The following BCAS3 variants were observed in gnomAD, a reference collection of about 807,000 sequenced individuals.
BCAS3 encodes BCAS3 microtubule associated cell migration factor, also known as BCAS4/BCAS3 fusion.
BCAS3 carries 53 observed loss-of-function variants against 116.1 expected under a neutral mutation model. The observed-to-expected ratio is 0.46, with a 90% CI of 0.37 to 0.57. The LOEUF is 0.57. Ranked by LOEUF, BCAS3 falls within the 20% of genes least tolerant of loss-of-function variation. The pLI, the probability that BCAS3 is intolerant of heterozygous loss-of-function variation, is 0.00. For synonymous variants in BCAS3, 391 were observed against 408.2 expected (o/e 0.96, Z 0.51); for missense variants, 917 against 1,165.4 (o/e 0.79, Z 3.10).
chr17:61,057,487 C>T (rs771493616), intron 19 of BCAS3, among the ~76,000 whole-genome samples: 4 of 152,166 alleles, frequency 2.6e-5, no homozygotes, highest in Non-Finnish European at 4.4e-5. Context: ...TTGCCTTCTA[C>T]GCCTCAGGTT....
intron 6 of BCAS3, among the ~76,000 whole-genome samples, chr17:60,802,465 C>T (rs1361746730): frequency 6.7e-6 from 1 of 149,920 alleles, no homozygotes; most frequent in Non-Finnish European, 1.5e-5. Flanking sequence ...TATTTTGTTC[C>T]ATGTCTGCAG....
At position 61,356,718 on chromosome 17, in the gene BCAS3, T is replaced by C. The variant is rs1168853564; in HGVS notation, c.2426-11609T>C. 6.6e-6 allele frequency: 1 copy of C among 152,250 alleles called. No individual in the cohort carries two copies. Among genetic ancestry groups the C allele is most frequent in the Non-Finnish European group, 1.5e-5 (1 of 68,036 alleles). 9.4% of individuals were successfully genotyped at this position (152,250 alleles called of 1,614,324 possible). On this transcript the variant is annotated intron_variant, in intron 22 of 23. Coordinates refer to ENST00000407086, the MANE Select transcript of BCAS3 (RefSeq NM_017679.5). The surrounding 1 kb of genome is among the most constrained non-coding windows in gnomAD (Gnocchi z 5.4). Reference sequence around the variant, plus strand: ...TTTTAAAATCAACTCCTTCCAGAGTTGTTCTTCTAGCCCTTTCTGATCTGA... The same window carrying C: ...TTTTAAAATCAACTCCTTCCAGAGTCGTTCTTCTAGCCCTTTCTGATCTGA...
Position 61,391,937 on chromosome 17 carries a change from C to G in BCAS3, c.2594-40C>G. ...CAGATGGTGCCCCCACTCCCCAGACCCAACTCTAACCAGGCCTGGCCCTCT... is the reference window on the plus strand; with the variant it reads ...CAGATGGTGCCCCCACTCCCCAGACGCAACTCTAACCAGGCCTGGCCCTCT... On this transcript the variant is annotated intron_variant, in intron 23 of 23. Coordinates refer to ENST00000407086, the MANE Select transcript of BCAS3 (RefSeq NM_017679.5). This position sits in a 1 kb window ranked among gnomAD's most constrained non-coding sequence, Gnocchi z 7.7. 1 of 1,602,970 alleles carries G rather than the reference C, an allele frequency of 6.2e-7. No homozygotes were observed. Among genetic ancestry groups the G allele is most frequent in the Non-Finnish European group, 8.5e-7 (1 of 1,174,918 alleles).
intron 7 of BCAS3, among the ~76,000 whole-genome samples, chr17:60,834,783 A>G (rs1021933058): frequency 1.3e-5 from 2 of 151,906 alleles, no homozygotes; most frequent in African/African-American, 2.4e-5. Flanking sequence ...TTTTTTGTTT[A>G]TCATAACTGA....
rs552076201 is a variant in BCAS3, at chr17:61,105,582, G to T, written c.2425+21018G>T. On this transcript the variant is annotated intron_variant, in intron 22 of 23. Transcript: ENST00000407086. This position sits in a 1 kb window ranked among gnomAD's most constrained non-coding sequence, Gnocchi z 4.3. ...TGGGGTTACAGGCATGTGCCACCACGCCCAGCTAATTTTGTATTTTTTTTA... is the reference window on the plus strand; with the variant it reads ...TGGGGTTACAGGCATGTGCCACCACTCCCAGCTAATTTTGTATTTTTTTTA... 6.6e-6 allele frequency among the ~76,000 whole-genome samples: 1 copy of T among 152,068 alleles called. No individual in the cohort carries two copies. Among genetic ancestry groups the T allele is most frequent in the African/African-American group, 2.4e-5 (1 of 41,412 alleles).
chr17:60,767,534 A>G (rs966822276), intron 6 of BCAS3, among the ~76,000 whole-genome samples: 1 of 151,730 alleles, frequency 6.6e-6, no homozygotes, highest in Non-Finnish European at 1.5e-5. Context: ...TTTATTAGAA[A>G]TGGGGTTTCA....
At position 61,364,876 on chromosome 17, in the gene BCAS3, C is replaced by T. The variant is rs2058643948; in HGVS notation, c.2426-3451C>T. ...CTTCTCAGAGCTTCCAGTTTCACCA[C>T]CATAAATGGGGGATAGTACCTCTAC... On this transcript the variant is annotated intron_variant, in intron 22 of 23. Coordinates refer to ENST00000407086, the MANE Select transcript of BCAS3 (RefSeq NM_017679.5). This position sits in a 1 kb window ranked among gnomAD's most constrained non-coding sequence, Gnocchi z 5.4. Among the ~76,000 whole-genome samples the T allele has an allele frequency of 6.6e-6, 1 of 152,170 alleles. No individual in the cohort carries two copies.
chr17:61,111,692 T>C (rs971815021), intron 22 of BCAS3, among the ~76,000 whole-genome samples: 7 of 138,312 alleles, frequency 5.1e-5, no homozygotes, highest in Non-Finnish European at 1.1e-4. Context: ...ACTTCCCCAA[T>C]CTAGCAAGGC....
intron 6 of BCAS3, among the ~76,000 whole-genome samples, chr17:60,758,441 G>C (rs572641740): frequency 6.6e-6 from 1 of 152,012 alleles, no homozygotes; most frequent in South Asian, 2.1e-4. Flanking sequence ...TTTGAGTTTG[G>C]TTTATTCTTG....
At chr17:60,834,717 GT>G (rs563226477) in intron 7 of BCAS3, among the ~76,000 whole-genome samples, 18 of 151,882 alleles carry the variant, frequency 1.2e-4, no homozygotes, top group African/African-American at 4.3e-4. Context: ...AGTACCCCAT[GT>G]TTTTTTGTTA....
chr17:60,758,708 A>G (rs1598498109), intron 6 of BCAS3, among the ~76,000 whole-genome samples: 1 of 152,170 alleles, frequency 6.6e-6, no homozygotes, highest in African/African-American at 2.4e-5. Context: ...GAGGTGTGTC[A>G]TTAGGTTGCT....
chr17:61,206,869 C>T (rs1337378170), intron 22 of BCAS3, among the ~76,000 whole-genome samples: 1 of 141,848 alleles, frequency 7.0e-6, no homozygotes, highest in East Asian at 2.1e-4. Context: ...CCAGTTTTTA[C>T]TTTGATCCAA....
chr17:60,825,205 G>A (rs893002162), intron 7 of BCAS3, among the ~76,000 whole-genome samples: 1 of 150,884 alleles, frequency 6.6e-6, no homozygotes, highest in Non-Finnish European at 1.5e-5. Flanking sequence ...GCACTTATGT[G>A]CACCTTGCTT....
chr17:61,249,260 C>T lies in BCAS3; in HGVS notation c.2426-119067C>T, dbSNP rs1027046823. 6.6e-6 allele frequency among the ~76,000 whole-genome samples: 1 copy of T among 152,174 alleles called. No homozygotes were observed. ...CGAGATCACACCACTGCACTCCAGC[C>T]TGGGCAACAAGAGTGAAACTCCATC... On this transcript the variant is annotated intron_variant, in intron 22 of 23. Transcript: ENST00000407086. The surrounding 1 kb of genome is among the most constrained non-coding windows in gnomAD (Gnocchi z 6.2).
intron 5 of BCAS3, among the ~76,000 whole-genome samples, chr17:60,727,780 A>T (rs2040045401): frequency 6.6e-6 from 1 of 151,696 alleles, no homozygotes; most frequent in African/African-American, 2.4e-5. Context: ...AGCTTACAGT[A>T]GGATTCATTT....
intron 22 of BCAS3, among the ~76,000 whole-genome samples, chr17:61,176,525 C>CTGTTTATT (rs1282147594): frequency 6.9e-6 from 1 of 145,530 alleles, no homozygotes; most frequent in African/African-American, 2.5e-5. Flanking sequence ...TGTGTAATGT[C>CTGTTTATT]TATTTATTTA....
chr17:61,049,942 C>T (rs748156989), intron 19 of BCAS3, among the ~76,000 whole-genome samples: 2 of 151,808 alleles, frequency 1.3e-5, no homozygotes, highest in African/African-American at 2.4e-5. Context: ...CCATGTTGGT[C>T]AGGATGGCCT....
intron 22 of BCAS3, among the ~76,000 whole-genome samples, chr17:61,142,492 C>A (rs2076978132): frequency 6.6e-6 from 1 of 152,018 alleles, no homozygotes; most frequent in Admixed American, 6.6e-5. Context: ...GATAAATGTT[C>A]TCTGTTTAAC....
chr17:61,083,783 A>AC lies in BCAS3; in HGVS notation c.2328-683dup, dbSNP rs1156639482. On this transcript the variant is annotated intron_variant, in intron 21 of 23. Coordinates refer to ENST00000407086, the MANE Select transcript of BCAS3 (RefSeq NM_017679.5). The surrounding 1 kb of genome is among the most constrained non-coding windows in gnomAD (Gnocchi z 4.9). ...GCTAATTTTTGCATTTTTAGTAGAG[A>AC]CGGGGCTTCACCGTGTTAGCCAGGA... 5.9e-5 allele frequency among the ~76,000 whole-genome samples: 9 copies of AC among 151,900 alleles called. No individual in the cohort carries two copies. Among genetic ancestry groups the AC allele is most frequent in the African/African-American group, 2.2e-4 (9 of 41,462 alleles).
Sources: allele counts gnomAD v4.1 joint callset (sites outside exome capture counted in the v4.1 genomes callset), GRCh38; gene constraint gnomAD v4.1.1; non-coding constraint Gnocchi (gnomAD v3.1); transcripts MANE v1.5; gene names NCBI Gene and HGNC (gene_info 2026-07-23, HGNC 2026-07-21).